Variants in DAB1 observed in about 807,000 individuals in gnomAD.
The protein encoded by DAB1 is disabled homolog 1.
In DAB1, 15 loss-of-function variants were observed where a neutral mutation model predicts 64.6. The observed-to-expected ratio is 0.23, with a 90% CI of 0.16 to 0.36. DAB1 has a LOEUF of 0.36. Ranked by LOEUF, DAB1 falls within the 10% of genes least tolerant of loss-of-function variation. The pLI is 1.00. For missense variants in DAB1, 596 were observed against 706.7 expected (o/e 0.84, Z 1.78); for synonymous variants, 235 against 251.9 (o/e 0.93, Z 0.64).
chr1:58,191,896 C>A (rs189478898), intron 4 of DAB1, among the ~76,000 whole-genome samples: 2 of 151,896 alleles, frequency 1.3e-5, no homozygotes, highest in Non-Finnish European at 2.9e-5. Context: ...TTAATTAATG[C>A]GTAAAAATAT....
intron 1 of DAB1, chr1:57,874,305 C>A (rs1206648380): frequency 6.6e-6 from 1 of 152,208 alleles, no homozygotes; most frequent in Non-Finnish European, 1.5e-5. Context: ...TGTTAAGTTT[C>A]TTTGCAAGGC....
intron 4 of DAB1, among the ~76,000 whole-genome samples, chr1:58,197,594 C>T (rs895870814): frequency 6.6e-6 from 1 of 151,824 alleles, no homozygotes; most frequent in African/African-American, 2.4e-5. Flanking sequence ...TGAGGTTTCA[C>T]CATGTTGGCC....
At chr1:58,484,672 C>T (rs2100356182) in intron 3 of DAB1, among the ~76,000 whole-genome samples, 1 of 152,222 alleles carries the variant, frequency 6.6e-6, no homozygotes, top group Admixed American at 6.5e-5. Context: ...ACCAAGATTT[C>T]CTTCGATAGG....
intron 2 of DAB1, among the ~76,000 whole-genome samples, chr1:57,252,675 A>G (rs1489572079): frequency 6.6e-6 from 1 of 152,216 alleles, no homozygotes; most frequent in African/African-American, 2.4e-5. Context: ...TAAAATAAAT[A>G]TAGATGATTT....
chr1:57,347,957 T>C (rs1313993064), intron 1 of DAB1, among the ~76,000 whole-genome samples: 1 of 152,070 alleles, frequency 6.6e-6, no homozygotes, highest in Non-Finnish European at 1.5e-5. Context: ...TGTAAGAAAA[T>C]TCATTTACTT....
At chr1:58,165,837 T>A (rs1052777751) in intron 4 of DAB1, among the ~76,000 whole-genome samples, 1 of 152,234 alleles carries the variant, frequency 6.6e-6, no homozygotes, top group Non-Finnish European at 1.5e-5. Context: ...TGGAAGACTA[T>A]GTTGCTGTCA....
chr1:58,087,582 C>T (rs1650395432), intron 5 of DAB1, among the ~76,000 whole-genome samples: 1 of 152,118 alleles, frequency 6.6e-6, no homozygotes, highest in Admixed American at 6.5e-5. Flanking sequence ...TGACCCCAAA[C>T]CCCCATCCCA....
intron 7 of DAB1, among the ~76,000 whole-genome samples, chr1:57,514,753 G>C (rs576322283): frequency 2.6e-4 from 40 of 152,332 alleles, no homozygotes; most frequent in African/African-American, 8.7e-4. Flanking sequence ...GCTGGGGCCA[G>C]ACTGTCTAGG....
At chr1:57,702,989 C>T (rs749605744) in intron 6 of DAB1, among the ~76,000 whole-genome samples, 59 of 152,146 alleles carry the variant, frequency 3.9e-4, no homozygotes, top group Non-Finnish European at 6.8e-4. Flanking sequence ...TAGCTATATA[C>T]AGAAGATTGA....
intron 4 of DAB1, among the ~76,000 whole-genome samples, chr1:58,295,107 T>C (rs1661938887): frequency 6.6e-6 from 1 of 152,240 alleles, no homozygotes; most frequent in East Asian, 1.9e-4. Flanking sequence ...TCTGAAGAGC[T>C]ACAGTCTCCA....
At chr1:57,336,600 T>C (rs1410244060) in intron 1 of DAB1, among the ~76,000 whole-genome samples, 1 of 152,216 alleles carries the variant, frequency 6.6e-6, no homozygotes, top group Non-Finnish European at 1.5e-5. Flanking sequence ...AGGTAGGTGC[T>C]TATCACCGTT....
chr1:58,225,492 G>T (rs1659418489), intron 4 of DAB1, among the ~76,000 whole-genome samples: 1 of 151,720 alleles, frequency 6.6e-6, no homozygotes. Flanking sequence ...AAATCATGCT[G>T]CTATAAAGAC....
intron 6 of DAB1, among the ~76,000 whole-genome samples, chr1:57,682,649 C>T (rs562768806): frequency 6.6e-6 from 1 of 152,130 alleles, no homozygotes; most frequent in South Asian, 2.1e-4. Context: ...GACCCTGTGT[C>T]CCCCATGGGC....
At chr1:57,744,001 G>A (rs562859113) in intron 6 of DAB1, among the ~76,000 whole-genome samples, 4 of 152,174 alleles carry the variant, frequency 2.6e-5, no homozygotes, top group East Asian at 1.9e-4. Context: ...GCAGTTTTCC[G>A]CCCTGGGCGG....
intron 7 of DAB1, among the ~76,000 whole-genome samples, chr1:57,591,399 C>T (rs755567939): frequency 6.6e-6 from 1 of 152,170 alleles, no homozygotes. Context: ...GATATCACCA[C>T]AAATGTTCAG....
chr1:58,044,636 A>T (rs1236977256), intron 5 of DAB1, among the ~76,000 whole-genome samples: 1 of 152,178 alleles, frequency 6.6e-6, no homozygotes, highest in Admixed American at 6.5e-5. Context: ...TCACTATAGC[A>T]TAGTGGTTAA....
At chr1:57,701,205 T>C (rs1395804550) in intron 6 of DAB1, among the ~76,000 whole-genome samples, 1 of 151,990 alleles carries the variant, frequency 6.6e-6, no homozygotes, top group Non-Finnish European at 1.5e-5. Flanking sequence ...CATTACTGGG[T>C]ATATACCCAA....
chr1:58,041,404 G>A (rs529420139), intron 5 of DAB1, among the ~76,000 whole-genome samples: 1 of 152,246 alleles, frequency 6.6e-6, no homozygotes, highest in African/African-American at 2.4e-5. Flanking sequence ...ATATGATTGT[G>A]GGCTGTCTCA....
intron 4 of DAB1, among the ~76,000 whole-genome samples, chr1:58,299,460 T>G (rs1357308236): frequency 2.0e-5 from 3 of 152,212 alleles, no homozygotes; most frequent in Non-Finnish European, 4.4e-5. Context: ...CATTTCTTAA[T>G]TTTATTTTTG....
Sources: allele counts gnomAD v4.1 joint callset (sites outside exome capture counted in the v4.1 genomes callset), GRCh38; gene constraint gnomAD v4.1.1; transcripts MANE v1.5; gene names NCBI Gene and HGNC (gene_info 2026-07-23, HGNC 2026-07-21).